Variants in PUS7 observed in about 807,000 individuals in gnomAD.
PUS7 encodes the protein pseudouridylate synthase 7 homolog.
PUS7 carries 48 observed loss-of-function variants against 79.8 expected under a neutral mutation model. That is an observed-to-expected ratio of 0.60 (90% CI 0.48 to 0.76). PUS7 has a LOEUF of 0.76. Ranked by LOEUF, PUS7 falls within the 30% of genes least tolerant of loss-of-function variation. PUS7 has a pLI of 0.00. For synonymous variants in PUS7, 286 were observed against 272.2 expected (o/e 1.05, Z -0.50); for missense variants, 729 against 797.6 (o/e 0.91, Z 1.04).
chr7:105,491,498 G>T, intron 7 of PUS7, 42 bp downstream of exon 7: 2 of 1,295,634 alleles, frequency 1.5e-6, no homozygotes, highest in South Asian at 2.7e-5. Context: ...AGCAGTGCCA[G>T]GATATTTACA....
intron 1 of PUS7, among the ~76,000 whole-genome samples, chr7:105,513,020 G>A (rs1825758523): frequency 6.6e-6 from 1 of 152,180 alleles, no homozygotes; most frequent in South Asian, 2.1e-4. Flanking sequence ...CCTGATATGA[G>A]GGTCCCAGAA....
At chr7:105,489,397 G>C (rs1824695289) in intron 7 of PUS7, among the ~76,000 whole-genome samples, 1 of 151,750 alleles carries the variant, frequency 6.6e-6, no homozygotes, top group Non-Finnish European at 1.5e-5. Flanking sequence ...GGAGTCCCTG[G>C]TCCATTACCC....
At chr7:105,514,264 T>C (rs1335873063) in intron 1 of PUS7, among the ~76,000 whole-genome samples, 1 of 138,990 alleles carries the variant, frequency 7.2e-6, no homozygotes, top group African/African-American at 2.7e-5. Context: ...ATGGATGATT[T>C]ACATAGCTGA....
chr7:105,494,163 C>A (rs188391317), intron 6 of PUS7, among the ~76,000 whole-genome samples: 1 of 152,262 alleles, frequency 6.6e-6, no homozygotes, highest in Non-Finnish European at 1.5e-5. Flanking sequence ...TCTGCAACCA[C>A]GTCAAAGGAT....
chr7:105,462,846 G>C, intron 13 of PUS7, 96 bp from the exon 14 acceptor site: 1 of 1,160,196 alleles, frequency 8.6e-7, no homozygotes, highest in Admixed American at 2.3e-5. Context: ...AGTTCAGTTA[G>C]ACTGCCCTAA....
At chr7:105,468,563 G>T in intron 11 of PUS7, 100 bp from the exon 12 acceptor site, 1 of 1,124,228 alleles carries the variant, frequency 8.9e-7, no homozygotes, top group Non-Finnish European at 1.2e-6. Context: ...TCTTGCCCAG[G>T]CTGGAGTGCA....
intron 2 of PUS7, among the ~76,000 whole-genome samples, chr7:105,506,906 A>G (rs529312500): frequency 5.3e-4 from 80 of 152,328 alleles, no homozygotes; most frequent in African/African-American, 1.9e-3. Flanking sequence ...AATATGCTAT[A>G]TGGTTAATTG....
At chr7:105,460,452 G>T (rs1485317452) in intron 14 of PUS7, among the ~76,000 whole-genome samples, 1 of 152,192 alleles carries the variant, frequency 6.6e-6, no homozygotes, top group Non-Finnish European at 1.5e-5. Flanking sequence ...AAGAGAGATG[G>T]AGAAGAGAAG....
chr7:105,514,830 GC>G (rs1314467724), intron 1 of PUS7, among the ~76,000 whole-genome samples: 1 of 141,888 alleles, frequency 7.0e-6, no homozygotes, highest in Non-Finnish European at 1.5e-5. Context: ...CTCGCTTTGT[GC>G]CCCAGGCTGG....
intron 8 of PUS7, among the ~76,000 whole-genome samples, chr7:105,481,550 G>C (rs1443660511): frequency 6.6e-6 from 1 of 152,018 alleles, no homozygotes; most frequent in Non-Finnish European, 1.5e-5. Flanking sequence ...GCACAATGTT[G>C]GACAATCCTC....
chr7:105,501,203 T>C (rs1353680141), intron 5 of PUS7, among the ~76,000 whole-genome samples: 2 of 152,208 alleles, frequency 1.3e-5, no homozygotes, highest in African/African-American at 4.8e-5. Context: ...TCTTTTGAAT[T>C]AACCTAAAAG....
chr7:105,512,138 C>A (rs1825726700), intron 1 of PUS7, among the ~76,000 whole-genome samples: 1 of 62,472 alleles, frequency 1.6e-5, no homozygotes, highest in Non-Finnish European at 2.6e-5. Flanking sequence ...GAGAGAGATT[C>A]TGTCTCAAAA....
At chr7:105,496,220 T>TAGAGAGAGAGAGAGAGAG (rs1350234352) in intron 5 of PUS7, among the ~76,000 whole-genome samples, 17 of 83,296 alleles carry the variant, frequency 2.0e-4, no homozygotes, top group Non-Finnish European at 3.2e-4. Flanking sequence ...TATATATATA[T>TAGAGAGAGAGAGAGAGAG]ATATATAGAG....
intron 1 of PUS7, among the ~76,000 whole-genome samples, chr7:105,519,266 C>T (rs1291385294): frequency 1.3e-5 from 2 of 151,602 alleles, no homozygotes; most frequent in Non-Finnish European, 2.9e-5. Flanking sequence ...TGGAGTTTTC[C>T]TCTGTTGCCC....
intron 9 of PUS7, among the ~76,000 whole-genome samples, chr7:105,478,349 C>T (rs1414667815): frequency 6.6e-6 from 1 of 152,124 alleles, no homozygotes; most frequent in Non-Finnish European, 1.5e-5. Context: ...CCTAGAAATG[C>T]CTGGGTCATA....
At chr7:105,489,519 C>A (rs1308529898) in intron 7 of PUS7, among the ~76,000 whole-genome samples, 3 of 152,084 alleles carry the variant, frequency 2.0e-5, no homozygotes, top group Admixed American at 2.0e-4. Flanking sequence ...AAAATGAAAC[C>A]AGGCCACCAG....
intron 10 of PUS7, among the ~76,000 whole-genome samples, chr7:105,471,061 T>A (rs992881680): frequency 3.3e-5 from 5 of 152,194 alleles, no homozygotes; most frequent in Non-Finnish European, 5.9e-5. Flanking sequence ...CACCCTCAGG[T>A]CAAAAGTAAA....
At chr7:105,501,480 T>C (rs574886874) in intron 5 of PUS7, among the ~76,000 whole-genome samples, 2 of 152,256 alleles carry the variant, frequency 1.3e-5, no homozygotes, top group East Asian at 3.9e-4. Context: ...AGAACATAAA[T>C]ATCAGTGACT....
chr7:105,491,428 G>T, intron 7 of PUS7, 112 bp downstream of exon 7: 1 of 524,610 alleles, frequency 1.9e-6, no homozygotes, highest in Non-Finnish European at 3.3e-6. Context: ...TTTTAAATAG[G>T]CAGAAGCACC....
Sources: gnomAD v4.1 joint callset for allele counts (sites outside exome capture counted in the v4.1 genomes callset) on GRCh38, gnomAD v4.1.1 for gene constraint, MANE v1.5 for transcripts, NCBI Gene and HGNC (gene_info 2026-07-23, HGNC 2026-07-21) for gene names.